The following KCNN3 variants were observed in gnomAD, a reference collection of about 807,000 sequenced individuals.
KCNN3 encodes the protein small conductance calcium-activated potassium channel protein 3.
A neutral mutation model predicts 62.9 loss-of-function variants in KCNN3; 16 were observed. That is an observed-to-expected ratio of 0.25 (90% CI 0.17 to 0.39). The LOEUF (loss-of-function observed/expected upper bound fraction) is 0.39. Among genes scored for constraint, KCNN3 ranks in the 10% least tolerant of loss-of-function variants. The pLI, the probability that KCNN3 is intolerant of heterozygous loss-of-function variation, is 1.00. For synonymous variants in KCNN3, 370 were observed against 389.2 expected, an observed-to-expected ratio of 0.95 and a Z score of 0.58; for missense variants, 599 against 949.4, an observed-to-expected ratio of 0.63 and a Z score of 4.85.
rs985314780 is a variant in KCNN3 at position 154,703,661 on chromosome 1, T to G, written c.*4315A>C. 16 of 152,224 alleles carry G rather than the reference T, an allele frequency of 1.1e-4. No homozygotes were observed. Among genetic ancestry groups the G allele is most frequent in the Admixed American group, 7.2e-4 (11 of 15,286 alleles). The allele number at this position is 152,224 out of a possible 1,614,324, so 9.4% of individuals were successfully genotyped here. A position where few individuals can be genotyped will look rare whatever the true frequency, so the allele number is the denominator to read the frequency against. On this transcript the variant is annotated 3_prime_UTR_variant, in exon 8 of 8. Coordinates refer to ENST00000271915, the MANE Select transcript of KCNN3 (RefSeq NM_002249.6). ...TGATTCTTAATTTGGAGTGTACTGTTTGTTGAGTTGCACTCTGGAGGAGGA... is the reference window on the plus strand; with the variant it reads ...TGATTCTTAATTTGGAGTGTACTGTGTGTTGAGTTGCACTCTGGAGGAGGA...
At chr1:154,757,549 G>C (rs576891817) in intron 3 of KCNN3, among the ~76,000 whole-genome samples, 1 of 152,316 alleles carries the variant, frequency 6.6e-6, no homozygotes, top group Admixed American at 6.5e-5. Context: ...AACAGAGATG[G>C]GCCCTGGGTC....
chr1:154,864,937 C>T (rs894434026), intron 1 of KCNN3, among the ~76,000 whole-genome samples: 72 of 152,120 alleles, frequency 4.7e-4, no homozygotes, highest in African/African-American at 1.6e-3. Flanking sequence ...CACACCAGCA[C>T]TCTCCAGCCT....
At chr1:154,761,093 C>A (rs949318025) in intron 3 of KCNN3, among the ~76,000 whole-genome samples, 1 of 152,194 alleles carries the variant, frequency 6.6e-6, no homozygotes, top group African/African-American at 2.4e-5. Flanking sequence ...CTACCTCTTT[C>A]CATTAAAAAT....
intron 1 of KCNN3, among the ~76,000 whole-genome samples, chr1:154,854,707 T>A (rs1188509615): frequency 6.6e-6 from 1 of 152,220 alleles, no homozygotes; most frequent in Non-Finnish European, 1.5e-5. Flanking sequence ...TATCACTTCG[T>A]GACATCTTGA....
chr1:154,744,810 T>C (rs1470128159), intron 3 of KCNN3, among the ~76,000 whole-genome samples: 1 of 151,944 alleles, frequency 6.6e-6, no homozygotes, highest in Non-Finnish European at 1.5e-5. Flanking sequence ...ATTTCAGAAA[T>C]GCTTGAGGCG....
intron 3 of KCNN3, among the ~76,000 whole-genome samples, chr1:154,749,898 G>A (rs927630480): frequency 6.6e-6 from 1 of 152,206 alleles, no homozygotes; most frequent in Non-Finnish European, 1.5e-5. Context: ...CCTGCCCAGG[G>A]AGTGCAGCTG....
intron 3 of KCNN3, among the ~76,000 whole-genome samples, chr1:154,754,224 C>T (rs914187621): frequency 2.0e-5 from 3 of 152,040 alleles, no homozygotes; most frequent in Non-Finnish European, 4.4e-5. Flanking sequence ...TAACTGGAAG[C>T]CAGAAAAGCT....
intron 1 of KCNN3, among the ~76,000 whole-genome samples, chr1:154,843,816 C>A (rs1363698332): frequency 6.6e-6 from 1 of 152,226 alleles, no homozygotes; most frequent in Non-Finnish European, 1.5e-5. Flanking sequence ...AGTCCAATGC[C>A]TCAGCAAGAC....
chr1:154,823,560 T>C (rs955386667), intron 1 of KCNN3, among the ~76,000 whole-genome samples: 2 of 152,238 alleles, frequency 1.3e-5, no homozygotes, highest in African/African-American at 4.8e-5. Flanking sequence ...TCAAGGCCTC[T>C]GACTCGCAGT....
In KCNN3 at chr1:154,700,900, A is replaced by C. The variant is rs1699840815; in HGVS notation, c.*7076T>G. 1 of 152,196 alleles carries C rather than the reference A, an allele frequency of 6.6e-6. No homozygotes were observed. The highest frequency in any genetic ancestry group is 6.6e-5 in the Admixed American group (1 of 15,266). The allele number at this position is 152,196 out of a possible 1,614,324, so 9.4% of individuals were successfully genotyped here. A position where few individuals can be genotyped will look rare whatever the true frequency, so the allele number is the denominator to read the frequency against. On this transcript the variant is annotated 3_prime_UTR_variant, in exon 8 of 8. Coordinates refer to ENST00000271915, the MANE Select transcript of KCNN3 (RefSeq NM_002249.6). ...ATTACCACCAATACATTCATCAGTC[A>C]ATTGTAAAATTGAAAATAAGCCAAT...
At chr1:154,750,489 C>G (rs1647318947) in intron 3 of KCNN3, among the ~76,000 whole-genome samples, 1 of 152,130 alleles carries the variant, frequency 6.6e-6, no homozygotes, top group Non-Finnish European at 1.5e-5. Context: ...CCTGTGGGGT[C>G]TGAAGGGAAT....
At position 154,822,122 on chromosome 1, in the gene KCNN3, G is replaced by C; in HGVS notation, c.996C>G (p.Gly332=). The change falls in exon 2 of 8, where the codon GGC becomes GGG. Residue 332 remains glycine, a synonymous_variant. Transcript: ENST00000271915. ...CACGTGTGTGGTAGGCGATGATCAA[G>C]CCCAAAAGGATGATGGTGGACAGAC... ...LISLSTIILL[G]LIIAYHTREV... 6.2e-7 allele frequency: 1 copy of C among 1,614,118 alleles called. No individual in the cohort carries two copies. The highest frequency in any genetic ancestry group is 8.5e-7 in the Non-Finnish European group (1 of 1,179,946).
chr1:154,807,301 C>T (rs986952192), intron 2 of KCNN3, among the ~76,000 whole-genome samples: 7 of 152,170 alleles, frequency 4.6e-5, no homozygotes, highest in East Asian at 1.9e-4. Context: ...AACTCGAGCC[C>T]GTAACCCAAC....
At chr1:154,770,718 C>T (rs536504507) in intron 3 of KCNN3, among the ~76,000 whole-genome samples, 1 of 152,276 alleles carries the variant, frequency 6.6e-6, no homozygotes, top group Admixed American at 6.5e-5. Flanking sequence ...AGCAGAATCA[C>T]GGTTTCTAAC....
intron 2 of KCNN3, among the ~76,000 whole-genome samples, chr1:154,812,072 C>T (rs1650428893): frequency 6.6e-6 from 1 of 152,222 alleles, no homozygotes; most frequent in Non-Finnish European, 1.5e-5. Context: ...CAGTGGGGTT[C>T]ACCTGCCTAT....
At chr1:154,744,857 G>A (rs1443304404) in intron 3 of KCNN3, among the ~76,000 whole-genome samples, 1 of 150,950 alleles carries the variant, frequency 6.6e-6, no homozygotes, top group African/African-American at 2.4e-5. Context: ...AGGCAGCTGA[G>A]GAATAAATGG....
At chr1:154,798,097 A>T (rs534272197) in intron 2 of KCNN3, among the ~76,000 whole-genome samples, 1 of 152,248 alleles carries the variant, frequency 6.6e-6, no homozygotes. Flanking sequence ...GCCAGGGTAC[A>T]ATTCCTGGGA....
chr1:154,757,358 C>T (rs1647772697), intron 3 of KCNN3, among the ~76,000 whole-genome samples: 1 of 152,216 alleles, frequency 6.6e-6, no homozygotes, highest in Non-Finnish European at 1.5e-5. Flanking sequence ...TCCCACGTGG[C>T]TGAACCACTC....
intron 3 of KCNN3, among the ~76,000 whole-genome samples, chr1:154,748,778 T>C (rs1700993255): frequency 6.6e-6 from 1 of 152,156 alleles, no homozygotes; most frequent in African/African-American, 2.4e-5. Context: ...CTGGGCAACA[T>C]AGTGAGATGC....
Sources: gnomAD v4.1 joint callset for allele counts (sites outside exome capture counted in the v4.1 genomes callset) on GRCh38, gnomAD v4.1.1 for gene constraint, MANE v1.5 for transcripts, NCBI Gene and HGNC (gene_info 2026-07-23, HGNC 2026-07-21) for gene names.